The following SERINC3 variants were observed in gnomAD, a reference collection of about 807,000 sequenced individuals.
SERINC3 encodes the protein tumor differentially expressed protein 1.
A neutral mutation model predicts 52.1 loss-of-function variants in SERINC3; 22 were observed. The observed-to-expected ratio is 0.42, with a 90% CI of 0.30 to 0.60. The LOEUF (loss-of-function observed/expected upper bound fraction) is 0.60, where lower values mean the gene tolerates loss of function less well. SERINC3 is among the 20% of genes least tolerant of loss of function. The probability of loss-of-function intolerance (pLI) is 0.16; values close to 1 mark genes in which losing one functional copy is unlikely to be tolerated. For missense variants in SERINC3, 564 were observed against 584.6 expected, an observed-to-expected ratio of 0.96 and a Z score of 0.36; for synonymous variants, 226 against 212.7, an observed-to-expected ratio of 1.06 and a Z score of -0.54.
chr20:44,521,515 C>G (rs1164404956), intron 1 of SERINC3, among the ~76,000 whole-genome samples: 4 of 152,196 alleles, frequency 2.6e-5, no homozygotes, highest in African/African-American at 9.6e-5. Flanking sequence ...AAATCCCGTG[C>G]TAGGGGATAA....
At chr20:44,518,029 C>G (rs1220157114) in intron 1 of SERINC3, among the ~76,000 whole-genome samples, 1 of 152,188 alleles carries the variant, frequency 6.6e-6, no homozygotes, top group Non-Finnish European at 1.5e-5. Context: ...AGTACATCAG[C>G]TCTACCCTTA....
intron 9 of SERINC3, 121 bp from the exon 10 acceptor site, chr20:44,500,555 C>A (rs1408431378): frequency 1.8e-6 from 2 of 1,102,666 alleles, no homozygotes; most frequent in South Asian, 1.4e-5. Context: ...CACTACCCCC[C>A]AGTAGGGTTG....
chr20:44,503,921 T>C lies in SERINC3; in HGVS notation c.949A>G (p.Thr317Ala), dbSNP rs779596206. 4.4e-6 allele frequency: 7 copies of C among 1,605,730 alleles called. No homozygotes were observed. The highest frequency in any genetic ancestry group is 5.9e-6 in the Non-Finnish European group (7 of 1,177,242). Reference protein sequence around the residue: ...TAPTLAPGNSTAVVPTPTPPS... With the variant: ...TAPTLAPGNSAAVVPTPTPPS... ...GGAGTAGGGGTAGGGACCACAGCAG[T>C]TGAATTTCCAGGAGCCAGGGTTGGT... The change falls in exon 8 of 10, where the codon ACT becomes GCT. Residue 317 changes from threonine to alanine, a missense_variant. Transcript: ENST00000342374.
rs2064320015 is a variant in SERINC3 at position 44,507,132 on chromosome 20, G to GGTCT, written c.614-140_614-137dup. On this transcript the variant is annotated intron_variant, in intron 5 of 9. Transcript: ENST00000342374. The stretch of plus-strand genomic sequence containing the variant: ...GGGTAATTTACAGTAAAATTACAGA[G>GGTCT]GTCTCAAGGTTAAAGTATCAAGATT... The GGTCT allele has an allele frequency of 6.9e-6, 4 of 579,496 alleles. No homozygotes were observed. In the African/African-American group the frequency reaches 7.7e-5, roughly 11 times the overall value. 35.9% of individuals were successfully genotyped at this position (579,496 alleles called of 1,614,324 possible). A position where few individuals can be genotyped will look rare whatever the true frequency, so the allele number is the denominator to read the frequency against.
At chr20:44,502,527 G>A (rs2064286186) in intron 8 of SERINC3, among the ~76,000 whole-genome samples, 1 of 148,268 alleles carries the variant, frequency 6.7e-6, no homozygotes. Context: ...AGGCTGTAGT[G>A]AGCTATGATC....
rs749018410 is a variant in SERINC3 at position 44,503,998 on chromosome 20, GA to G, written c.875-4del. On this transcript the variant is annotated splice_polypyrimidine_tract_variant and splice_region_variant and intron_variant, in intron 7 of 9. Coordinates refer to ENST00000342374, the MANE Select transcript of SERINC3 (RefSeq NM_006811.4). ...CAGGTTGGGATTGCAGGAACGATCT[GA>G]AAATGAGAAAATTTGTATTATCCTT... is the stretch of plus-strand genomic sequence containing the variant. 2 of 1,570,518 alleles carry G rather than the reference GA, an allele frequency of 1.3e-6. No homozygotes were observed. Among genetic ancestry groups the G allele is most frequent in the South Asian group, 1.2e-5 (1 of 81,008 alleles).
At chr20:44,513,387 G>A (rs541241450) in intron 2 of SERINC3, among the ~76,000 whole-genome samples, 1 of 152,272 alleles carries the variant, frequency 6.6e-6, no homozygotes, top group South Asian at 2.1e-4. Flanking sequence ...TCGGGAGGCT[G>A]AGGCAGGAGA....
At chr20:44,506,478 C>T (rs139976312) in intron 6 of SERINC3, among the ~76,000 whole-genome samples, 8,673 of 143,994 alleles carry the variant, frequency 0.06, 331 homozygotes, top group African/African-American at 0.12. Flanking sequence ...CCCAGCTACT[C>T]GGGAGGCTGA....
chr20:44,509,560 G>T (rs1256344045), intron 5 of SERINC3, among the ~76,000 whole-genome samples: 1 of 152,108 alleles, frequency 6.6e-6, no homozygotes, highest in Non-Finnish European at 1.5e-5. Flanking sequence ...ACAGGGTCTT[G>T]CTCTGTCACC....
At chr20:44,502,243 A>G (rs767386763) in intron 8 of SERINC3, among the ~76,000 whole-genome samples, 2 of 152,230 alleles carry the variant, frequency 1.3e-5, no homozygotes, top group Admixed American at 6.5e-5. Context: ...CATGCAAACT[A>G]TTAGAACCAA....
At chr20:44,517,568 A>G (rs540123717) in intron 1 of SERINC3, among the ~76,000 whole-genome samples, 66 of 152,118 alleles carry the variant, frequency 4.3e-4, no homozygotes, top group African/African-American at 1.5e-3. Context: ...AGGAACATCA[A>G]AGACTGCCAG....
intron 1 of SERINC3, among the ~76,000 whole-genome samples, chr20:44,519,856 T>A (rs1218205559): frequency 6.6e-6 from 1 of 151,990 alleles, no homozygotes; most frequent in Non-Finnish European, 1.5e-5. Context: ...CTGTCAAATA[T>A]ATGTATGTTT....
At chr20:44,509,474 T>C (rs2064333906) in intron 5 of SERINC3, among the ~76,000 whole-genome samples, 1 of 152,236 alleles carries the variant, frequency 6.6e-6, no homozygotes, top group Non-Finnish European at 1.5e-5. Flanking sequence ...CTTCCAGTGA[T>C]GCATATAATT....
In SERINC3 at chr20:44,507,071, C is replaced by T. The variant is rs951532821; in HGVS notation, c.614-75G>A. The T allele has an allele frequency of 5.2e-6, 6 of 1,159,276 alleles. No homozygotes were observed. In the African/African-American group the frequency reaches 8.0e-5, roughly 15 times the overall value. The allele number at this position is 1,159,276 out of a possible 1,614,324, so 71.8% of individuals were successfully genotyped here. A position where few individuals can be genotyped will look rare whatever the true frequency, so the allele number is the denominator to read the frequency against. On this transcript the variant is annotated intron_variant, in intron 5 of 9. Transcript: ENST00000342374. ...AATGAAGGCCAATTTTCTTCCACTC[C>T]ATATAAAAATGAGGAGACATTATGT...
intron 5 of SERINC3, among the ~76,000 whole-genome samples, chr20:44,508,386 A>C (rs1222147475): frequency 1.3e-5 from 2 of 152,050 alleles, no homozygotes; most frequent in African/African-American, 2.4e-5. Context: ...CTGTAGTCCC[A>C]GCTACTTGGG....
intron 1 of SERINC3, among the ~76,000 whole-genome samples, chr20:44,518,973 GAAA>G (rs397757339): frequency 3.2e-5 from 2 of 61,824 alleles, no homozygotes; most frequent in Admixed American, 1.3e-4. Context: ...TCTCAAAAAC[GAAA>G]AAAAAAAAAA....
chr20:44,513,972 C>T lies in SERINC3; in HGVS notation c.108G>A (p.Thr36=), dbSNP rs201041892. The T allele has an allele frequency of 2.5e-5, 40 of 1,614,082 alleles. No individual in the cohort carries two copies. Among genetic ancestry groups the T allele is most frequent in the South Asian group, 3.3e-5 (3 of 91,082 alleles). ...TGAAAGCATAAATGAGGCGAGTCAC[C>T]GTGGAATTCTTACTGTTAGGACAGC... ...CSCCPNSKNS[T]VTRLIYAFIL... The change falls in exon 2 of 10, where the codon ACG becomes ACA. Residue 36 remains threonine (T), a synonymous_variant. Transcript: ENST00000342374.
At chr20:44,506,637 GT>G (rs72534903) in intron 6 of SERINC3, among the ~76,000 whole-genome samples, 189 bp downstream of exon 6, 3 of 138,392 alleles carry the variant, frequency 2.2e-5, no homozygotes, top group East Asian at 2.0e-4. Context: ...AGTTACCTGG[GT>G]TTTTTTTTAA....
chr20:44,520,140 T>G (rs1213783712), intron 1 of SERINC3, among the ~76,000 whole-genome samples: 1 of 152,182 alleles, frequency 6.6e-6, no homozygotes, highest in Non-Finnish European at 1.5e-5. Flanking sequence ...GAAGAACTTT[T>G]GGCTGGGCAT....
Sources: allele counts gnomAD v4.1 joint callset (sites outside exome capture counted in the v4.1 genomes callset), GRCh38; gene constraint gnomAD v4.1.1; transcripts MANE v1.5; gene names NCBI Gene and HGNC (gene_info 2026-07-23, HGNC 2026-07-21).